SGIP1: variants seen among roughly 807,000 people sequenced by gnomAD.
SGIP1 encodes the protein SH3-containing GRB2-like protein 3-interacting protein 1.
Under a neutral mutation model 107.5 loss-of-function variants are expected in SGIP1, and 38 were observed. That is an observed-to-expected ratio of 0.35 (90% CI 0.27 to 0.46). The LOEUF (loss-of-function observed/expected upper bound fraction) is 0.46. Ranked by LOEUF, SGIP1 falls within the 20% of genes least tolerant of loss-of-function variation. The pLI is 1.00. For missense variants in SGIP1, 929 were observed against 1,019.5 expected (o/e 0.91, Z 1.21); for synonymous variants, 365 against 366.1 (o/e 1.00, Z 0.03).
chr1:66,611,690 C>T (rs1028491922), intron 1 of SGIP1, among the ~76,000 whole-genome samples: 3 of 152,054 alleles, frequency 2.0e-5, no homozygotes, highest in African/African-American at 4.8e-5. Flanking sequence ...GTGAACAGAT[C>T]GGATGGACAC....
At chr1:66,687,147 T>C (rs2088550704) in intron 15 of SGIP1, among the ~76,000 whole-genome samples, 1 of 152,188 alleles carries the variant, frequency 6.6e-6, no homozygotes, top group Non-Finnish European at 1.5e-5. Flanking sequence ...TTCTGGAGCA[T>C]GTAGGAAAAG....
intron 15 of SGIP1, among the ~76,000 whole-genome samples, chr1:66,683,568 T>A (rs1248651652): frequency 6.6e-5 from 10 of 152,136 alleles, no homozygotes; most frequent in Non-Finnish European, 1.2e-4. Context: ...CCAGGTCCTC[T>A]TCCCCTCAAA....
intron 7 of SGIP1, among the ~76,000 whole-genome samples, chr1:66,649,336 C>T (rs1020606101): frequency 3.9e-5 from 6 of 152,200 alleles, no homozygotes; most frequent in Non-Finnish European, 8.8e-5. Context: ...AACTGAGGTA[C>T]AGTGGGAAAA....
intron 23 of SGIP1, 42 bp downstream of exon 23, chr1:66,740,764 AAAATG>A: frequency 7.1e-7 from 1 of 1,402,022 alleles, no homozygotes; most frequent in Non-Finnish European, 1.0e-6. Context: ...ATGTAAAGCT[AAAATG>A]GCTTTAGGTA....
intron 20 of SGIP1, among the ~76,000 whole-genome samples, chr1:66,730,382 T>C (rs947326236): frequency 6.6e-6 from 1 of 152,196 alleles, no homozygotes; most frequent in Non-Finnish European, 1.5e-5. Flanking sequence ...TGATCAATTA[T>C]ACAAGTTAAT....
rs372522383 is a variant in SGIP1 at position 66,537,570 on chromosome 1, C to A, written c.10+3202C>A. On this transcript the variant is annotated intron_variant, in intron 1 of 24. Transcript: ENST00000371037. ...CGTAGGCCCAACTGAAGGCGTTTTG[C>A]GTTTTTAGTTCCATATTCAGGCTCT... Among the ~76,000 whole-genome samples, 6 of 152,050 alleles carry A rather than the reference C, an allele frequency of 3.9e-5. No homozygotes were observed. In the East Asian group the frequency reaches 9.7e-4, roughly 24 times the overall value.
chr1:66,675,247 G>T (rs769427871), intron 12 of SGIP1, among the ~76,000 whole-genome samples: 3 of 152,158 alleles, frequency 2.0e-5, no homozygotes, highest in Non-Finnish European at 2.9e-5. Flanking sequence ...TGAAGAAAAT[G>T]CTGCTTCGTA....
intron 12 of SGIP1, among the ~76,000 whole-genome samples, chr1:66,674,451 TA>T (rs2084690124): frequency 1.3e-5 from 2 of 152,174 alleles, no homozygotes; most frequent in African/African-American, 2.4e-5. Flanking sequence ...TTATTTGACT[TA>T]GGGGCACCAT....
At chr1:66,715,459 A>C (rs1215109537) in intron 18 of SGIP1, among the ~76,000 whole-genome samples, 1 of 150,344 alleles carries the variant, frequency 6.7e-6, no homozygotes, top group Non-Finnish European at 1.5e-5. Context: ...TAGCTAGAGG[A>C]TATGTTGTTG....
At chr1:66,730,017 G>T (rs2093936528) in intron 20 of SGIP1, among the ~76,000 whole-genome samples, 1 of 152,070 alleles carries the variant, frequency 6.6e-6, no homozygotes, top group Admixed American at 6.5e-5. Flanking sequence ...GGCCAGGCTG[G>T]TCTCAAACTA....
chr1:66,701,006 G>GA (rs1336565449), intron 18 of SGIP1, among the ~76,000 whole-genome samples: 4 of 152,056 alleles, frequency 2.6e-5, no homozygotes, highest in East Asian at 1.9e-4. Context: ...TTATCTCTGT[G>GA]AAAAAAATAA....
chr1:66,624,396 A>T (rs1215899046), intron 1 of SGIP1, among the ~76,000 whole-genome samples: 1 of 152,242 alleles, frequency 6.6e-6, no homozygotes, highest in African/African-American at 2.4e-5. Flanking sequence ...TTAAATGTCA[A>T]TACATTTTCC....
chr1:66,707,259 T>A (rs556356369), intron 18 of SGIP1, among the ~76,000 whole-genome samples: 34 of 152,262 alleles, frequency 2.2e-4, no homozygotes, highest in African/African-American at 7.7e-4. Flanking sequence ...ATAGACAAAG[T>A]GCTGGCCACT....
intron 19 of SGIP1, among the ~76,000 whole-genome samples, chr1:66,722,235 C>T (rs2093573189): frequency 6.6e-6 from 1 of 152,054 alleles, no homozygotes; most frequent in Admixed American, 6.6e-5. Context: ...GTGACTTGTC[C>T]CCTCATTCCC....
At position 66,690,310 on chromosome 1, in the gene SGIP1, A is replaced by G. The variant is rs769874669; in HGVS notation, c.1564A>G (p.Thr522Ala). Residue 522 changes from threonine (T) to alanine (A), a missense_variant, in exon 17 of 25, where the codon ACA (threonine) becomes GCA (alanine). Transcript: ENST00000371037. Reference sequence around the variant, plus strand: ...TTCCTTGAGCGCAGCCACCACTCCCACAGTTGGTAAAAATTCTCTCCTCTC... The same window carrying G: ...TTCCTTGAGCGCAGCCACCACTCCCGCAGTTGGTAAAAATTCTCTCCTCTC... ...TNSLSAATTP[T>A]VENEQPSLVW... 4.3e-6 allele frequency: 7 copies of G among 1,613,978 alleles called. No homozygotes were observed. In the South Asian group the frequency reaches 6.6e-5, roughly 15 times the overall value.
chr1:66,704,407 G>A (rs1027899196), intron 18 of SGIP1: 1 of 152,102 alleles, frequency 6.6e-6, no homozygotes, highest in African/African-American at 2.4e-5. Context: ...GAGACTAATG[G>A]TCTGCCTGCC....
chr1:66,629,699 GA>G (rs886181704), intron 2 of SGIP1, among the ~76,000 whole-genome samples: 75 of 152,016 alleles, frequency 4.9e-4, no homozygotes, highest in Admixed American at 8.5e-4. Context: ...CCATGAAAAA[GA>G]AAAAAATTAT....
intron 21 of SGIP1, among the ~76,000 whole-genome samples, chr1:66,735,349 G>T (rs2094187214): frequency 6.6e-6 from 1 of 151,990 alleles, no homozygotes; most frequent in African/African-American, 2.4e-5. Context: ...CCAAGTAGCT[G>T]GGATTACAGG....
intron 8 of SGIP1, 104 bp downstream of exon 8, chr1:66,660,628 G>A (rs2081284675): frequency 6.4e-6 from 7 of 1,099,718 alleles, no homozygotes; most frequent in Middle Eastern, 2.0e-4. Flanking sequence ...CCTAAACAAG[G>A]TTTTGAACTT....
Sources: allele counts gnomAD v4.1 joint callset (sites outside exome capture counted in the v4.1 genomes callset), GRCh38; gene constraint gnomAD v4.1.1; transcripts MANE v1.5; gene names NCBI Gene and HGNC (gene_info 2026-07-23, HGNC 2026-07-21).